Variants in BTBD9 observed in about 807,000 individuals in gnomAD.
BTBD9 encodes BTB/POZ domain-containing protein 9.
BTBD9 carries 49 observed loss-of-function variants against 64.3 expected under a neutral mutation model. The ratio of observed to expected loss-of-function variants is 0.76; its 90% CI spans 0.61 to 0.97. BTBD9 has a LOEUF of 0.97. Among genes scored for constraint, BTBD9 ranks in the 50% least tolerant of loss-of-function variants. BTBD9 has a pLI of 0.00. For synonymous variants in BTBD9, 260 were observed against 274.7 expected, an observed-to-expected ratio of 0.95 and a Z score of 0.53; for missense variants, 598 against 762.1, an observed-to-expected ratio of 0.78 and a Z score of 2.53.
At chr6:38,598,257 T>C in intron 1 of BTBD9, 136 bp from the exon 2 acceptor site, 2 of 609,780 alleles carry the variant, frequency 3.3e-6, no homozygotes, top group East Asian at 2.9e-5. Context: ...AATGGTATCC[T>C]TATTAACCCA....
chr6:38,399,636 AT>A (rs67093091), intron 6 of BTBD9, among the ~76,000 whole-genome samples: 4 of 151,584 alleles, frequency 2.6e-5, no homozygotes, highest in South Asian at 4.2e-4. Context: ...AACAACCTAG[AT>A]TTTTTTTTAA....
At chr6:38,518,815 T>C (rs1386885544) in intron 6 of BTBD9, among the ~76,000 whole-genome samples, 2 of 152,216 alleles carry the variant, frequency 1.3e-5, no homozygotes, top group African/African-American at 4.8e-5. Context: ...ATGGCTACTA[T>C]AAGGTGCCAT....
intron 6 of BTBD9, among the ~76,000 whole-genome samples, chr6:38,449,223 G>A (rs144403795): frequency 1.7e-3 from 262 of 152,172 alleles, no homozygotes; most frequent in African/African-American, 5.3e-3. Context: ...ATTTCAGCTC[G>A]ATAAAAGGAA....
At chr6:38,547,492 T>G (rs564195116) in intron 6 of BTBD9, among the ~76,000 whole-genome samples, 1 of 152,254 alleles carries the variant, frequency 6.6e-6, no homozygotes, top group African/African-American at 2.4e-5. Flanking sequence ...CTTCTCCTTG[T>G]TCTCATAATA....
At chr6:38,262,311 A>G (rs1764820317) in intron 8 of BTBD9, among the ~76,000 whole-genome samples, 1 of 152,192 alleles carries the variant, frequency 6.6e-6, no homozygotes, top group African/African-American at 2.4e-5. Context: ...TTGCTGGCCA[A>G]GATTTATTGA....
At chr6:38,289,557 G>C (rs937079167) in intron 7 of BTBD9, among the ~76,000 whole-genome samples, 8 of 152,060 alleles carry the variant, frequency 5.3e-5, no homozygotes, top group African/African-American at 1.9e-4. Context: ...GTTAAATTCA[G>C]AATTTTGAAA....
chr6:38,624,697 T>G (rs1438103144), intron 1 of BTBD9, among the ~76,000 whole-genome samples: 1 of 150,622 alleles, frequency 6.6e-6, no homozygotes, highest in Non-Finnish European at 1.5e-5. Flanking sequence ...AAAAAAACAC[T>G]GTAAGACAGA....
chr6:38,198,466 G>C (rs967667041), intron 9 of BTBD9, among the ~76,000 whole-genome samples: 1 of 152,228 alleles, frequency 6.6e-6, no homozygotes, highest in Non-Finnish European at 1.5e-5. Context: ...AGTGACGAGA[G>C]AAAGGGTGAC....
At chr6:38,375,332 G>A (rs1349963670) in intron 6 of BTBD9, among the ~76,000 whole-genome samples, 1 of 152,212 alleles carries the variant, frequency 6.6e-6, no homozygotes, top group African/African-American at 2.4e-5. Flanking sequence ...TGCCCCCAGC[G>A]TCAAATATTT....
intron 6 of BTBD9, among the ~76,000 whole-genome samples, chr6:38,544,980 T>TGTAGGA (rs1429894084): frequency 1.4e-5 from 2 of 146,206 alleles, no homozygotes; most frequent in Non-Finnish European, 3.0e-5. Context: ...GGGAGATGGT[T>TGTAGGA]GTAGGAGATG....
chr6:38,398,056 T>G (rs1233883839), intron 6 of BTBD9, among the ~76,000 whole-genome samples: 1 of 152,208 alleles, frequency 6.6e-6, no homozygotes, highest in South Asian at 2.1e-4. Flanking sequence ...CTGTGGATCT[T>G]GGACTTTATG....
chr6:38,374,228 CACCGT>C (rs1765544287), intron 6 of BTBD9, among the ~76,000 whole-genome samples: 6 of 138,736 alleles, frequency 4.3e-5, no homozygotes, highest in Admixed American at 3.0e-4. Flanking sequence ...GAGACTGTGC[CACCGT>C]ACTCCAGCCT....
At chr6:38,321,751 G>A (rs1763240850) in intron 7 of BTBD9, among the ~76,000 whole-genome samples, 1 of 151,966 alleles carries the variant, frequency 6.6e-6, no homozygotes, top group African/African-American at 2.4e-5. Flanking sequence ...TCTAAGGGAA[G>A]CCATGGGTAT....
intron 7 of BTBD9, among the ~76,000 whole-genome samples, chr6:38,336,043 A>G (rs1205907825): frequency 6.6e-6 from 1 of 152,194 alleles, no homozygotes; most frequent in African/African-American, 2.4e-5. Context: ...GCCTCCAGGT[A>G]GTTCTCTATA....
intron 6 of BTBD9, among the ~76,000 whole-genome samples, chr6:38,412,523 T>G (rs1176836646): frequency 6.7e-6 from 1 of 149,932 alleles, no homozygotes; most frequent in Non-Finnish European, 1.5e-5. Context: ...TATGTAACAG[T>G]GTACAAAGGA....
chr6:38,613,874 G>A (rs1006526448), intron 1 of BTBD9, among the ~76,000 whole-genome samples: 10 of 152,148 alleles, frequency 6.6e-5, no homozygotes, highest in African/African-American at 1.7e-4. Context: ...ATTTGTAAAT[G>A]AGAAGACAGG....
Position 38,598,067 on chromosome 6 carries a change from AG to A in BTBD9, c.27del (p.Phe10LeufsTer21). 6.2e-7 allele frequency: 1 copy of A among 1,613,810 alleles called. No individual in the cohort carries two copies. ...TGATCAATTTCCCCCACTGCAGTAA[AG>A]GGGCGAAGAGGGTGGCTGTTACTCA... is the stretch of plus-strand genomic sequence containing the variant. MSNSHPLR[P>X]FTAVGEIDHV... On this transcript the variant is annotated frameshift_variant, in exon 2 of 11. Coordinates refer to ENST00000481247, the MANE Select transcript of BTBD9 (RefSeq NM_001099272.2). LOFTEE classifies it high-confidence loss of function.
At chr6:38,299,628 T>C (rs1184829058) in intron 7 of BTBD9, among the ~76,000 whole-genome samples, 1 of 152,264 alleles carries the variant, frequency 6.6e-6, no homozygotes, top group African/African-American at 2.4e-5. Flanking sequence ...CATTTTTTCA[T>C]GTGTTTTTTG....
chr6:38,508,055 G>A (rs1002419418), intron 6 of BTBD9, among the ~76,000 whole-genome samples: 10 of 151,782 alleles, frequency 6.6e-5, no homozygotes, highest in Admixed American at 4.6e-4. Flanking sequence ...GGATTGTCTC[G>A]ATCTCCTGAC....
Sources: allele counts gnomAD v4.1 joint callset (sites outside exome capture counted in the v4.1 genomes callset), GRCh38; gene constraint gnomAD v4.1.1; transcripts MANE v1.5; gene names NCBI Gene and HGNC (gene_info 2026-07-23, HGNC 2026-07-21).